The following ARNT2 variants were observed in gnomAD, a reference collection of about 807,000 sequenced individuals.
ARNT2 encodes ARNT protein 2.
A neutral mutation model predicts 91.7 loss-of-function variants in ARNT2; 36 were observed. The ratio of observed to expected loss-of-function variants is 0.39; its 90% confidence interval spans 0.30 to 0.52. The LOEUF (loss-of-function observed/expected upper bound fraction) is 0.52, where lower values mean the gene tolerates loss of function less well. Ranked by LOEUF, ARNT2 falls within the 20% of genes least tolerant of loss-of-function variation. ARNT2 has a pLI of 0.72. For synonymous variants in ARNT2, 365 were observed against 347.1 expected (o/e 1.05, Z -0.57); for missense variants, 775 against 939.3 (o/e 0.83, Z 2.29).
chr15:80,444,380 G>A (rs565955562), intron 1 of ARNT2: 1 of 143,816 alleles, frequency 7.0e-6, no homozygotes, highest in Non-Finnish European at 1.6e-5. Flanking sequence ...GTGTGTGTGT[G>A]TGGTGTGAGA....
chr15:80,555,273 C>A, intron 11 of ARNT2, 134 bp downstream of exon 11: 2 of 821,948 alleles, frequency 2.4e-6, no homozygotes, highest in Non-Finnish European at 3.9e-6. Flanking sequence ...AGGGCCCCTG[C>A]TAGGAAGTCA....
intron 8 of ARNT2, among the ~76,000 whole-genome samples, chr15:80,521,729 T>C (rs1897550149): frequency 6.6e-6 from 1 of 152,150 alleles, no homozygotes; most frequent in South Asian, 2.1e-4. Context: ...TTTCGTAGAA[T>C]GTTGGTAATT....
chr15:80,484,683 T>C (rs1352010167), intron 5 of ARNT2, among the ~76,000 whole-genome samples: 1 of 152,246 alleles, frequency 6.6e-6, no homozygotes, highest in Non-Finnish European at 1.5e-5. Context: ...TCATTATCAC[T>C]CTTGTGTCAC....
chr15:80,446,602 C>T (rs994613513), intron 1 of ARNT2, among the ~76,000 whole-genome samples: 2 of 152,240 alleles, frequency 1.3e-5, no homozygotes, highest in Non-Finnish European at 2.9e-5. Flanking sequence ...AGAGCCTGCT[C>T]TGCCCTTCAC....
chr15:80,509,492 A>G (rs1566990026), intron 6 of ARNT2, among the ~76,000 whole-genome samples: 1 of 151,872 alleles, frequency 6.6e-6, no homozygotes, highest in Admixed American at 6.6e-5. Context: ...AGCAAACAAA[A>G]CCCCTGCCTG....
At chr15:80,536,023 C>G (rs560279071) in intron 8 of ARNT2, among the ~76,000 whole-genome samples, 4 of 152,292 alleles carry the variant, frequency 2.6e-5, no homozygotes, top group African/African-American at 9.6e-5. Flanking sequence ...CGACCCAATC[C>G]AATCACATCC....
At chr15:80,538,907 G>T (rs1024919862) in intron 8 of ARNT2, among the ~76,000 whole-genome samples, 2 of 151,970 alleles carry the variant, frequency 1.3e-5, no homozygotes, top group Non-Finnish European at 2.9e-5. Context: ...AAGTTTAAAA[G>T]TTTATGAACA....
chr15:80,468,971 G>A (rs1341799381), intron 3 of ARNT2, among the ~76,000 whole-genome samples: 1 of 152,178 alleles, frequency 6.6e-6, no homozygotes, highest in African/African-American at 2.4e-5. Context: ...CCCCAATCTG[G>A]GAGGATGGGC....
At chr15:80,526,666 A>G (rs1355337416) in intron 8 of ARNT2, among the ~76,000 whole-genome samples, 1 of 152,168 alleles carries the variant, frequency 6.6e-6, no homozygotes, top group African/African-American at 2.4e-5. Flanking sequence ...GTGCTTTCTT[A>G]GTGGTGAAAT....
At chr15:80,453,779 G>C (rs1896439308) in intron 2 of ARNT2, among the ~76,000 whole-genome samples, 1 of 152,160 alleles carries the variant, frequency 6.6e-6, no homozygotes, top group Non-Finnish European at 1.5e-5. Flanking sequence ...GAGAGACTCA[G>C]AGAGAGAGGG....
rs1486880107 is a variant in ARNT2 at position 80,505,924 on chromosome 15, G to GTTTTTTTTTTTTTTTT, written c.623-2230_623-2229insTTTTTTTTTTTTTTTT. Reference sequence around the variant, plus strand: ...AAAGAAAAAATGATTCCCAACATTTGTTGTTTTTTTTTTTTTTTTTTTTGA... The same window carrying GTTTTTTTTTTTTTTTT: ...AAAGAAAAAATGATTCCCAACATTTGTTTTTTTTTTTTTTTTTTGTTTTTTTTTTTTTTTTTTTTGA... On this transcript the variant is annotated intron_variant, in intron 5 of 18. Coordinates refer to ENST00000303329, the MANE Select transcript of ARNT2 (RefSeq NM_014862.4). 6.5e-4 allele frequency among the ~76,000 whole-genome samples: 46 copies of GTTTTTTTTTTTTTTTT among 71,186 alleles called. 3 individuals are homozygous for GTTTTTTTTTTTTTTTT. Among genetic ancestry groups the GTTTTTTTTTTTTTTTT allele is most frequent in the African/African-American group, 2.8e-3 (43 of 15,236 alleles). 46.7% of individuals were successfully genotyped at this position (71,186 alleles called of 152,430 possible).
intron 5 of ARNT2, among the ~76,000 whole-genome samples, chr15:80,507,387 C>A (rs988747600): frequency 1.3e-5 from 2 of 151,948 alleles, no homozygotes; most frequent in Non-Finnish European, 2.9e-5. Context: ...AGGAGGGACT[C>A]GGGGATAATG....
chr15:80,427,970 C>T (rs562924862), intron 1 of ARNT2, among the ~76,000 whole-genome samples: 2 of 152,342 alleles, frequency 1.3e-5, no homozygotes, highest in African/African-American at 4.8e-5. Flanking sequence ...ACTGTCTTCT[C>T]CAGCGTTCAC....
chr15:80,482,321 A>G (rs2141403768), intron 5 of ARNT2, among the ~76,000 whole-genome samples: 1 of 152,252 alleles, frequency 6.6e-6, no homozygotes, highest in South Asian at 2.1e-4. Flanking sequence ...AGGATTGGGG[A>G]AGGGAGCTGG....
At chr15:80,521,964 C>T (rs1414491357) in intron 8 of ARNT2, among the ~76,000 whole-genome samples, 1 of 152,040 alleles carries the variant, frequency 6.6e-6, no homozygotes, top group African/African-American at 2.4e-5. Flanking sequence ...GACAGTGAAG[C>T]CTTGCTGTCT....
intron 1 of ARNT2, among the ~76,000 whole-genome samples, chr15:80,432,040 G>A (rs1429239552): frequency 6.6e-6 from 1 of 152,240 alleles, no homozygotes; most frequent in Non-Finnish European, 1.5e-5. Context: ...CCTTGTGAAA[G>A]TTTTTCTCCA....
intron 17 of ARNT2, among the ~76,000 whole-genome samples, chr15:80,583,744 A>G (rs145324220): frequency 6.6e-6 from 1 of 152,236 alleles, no homozygotes; most frequent in Non-Finnish European, 1.5e-5. Context: ...TAGCAGAATC[A>G]TGCCTTTGGA....
intron 1 of ARNT2, among the ~76,000 whole-genome samples, chr15:80,436,582 C>T (rs1211456135): frequency 1.3e-5 from 2 of 152,186 alleles, no homozygotes; most frequent in African/African-American, 4.8e-5. Context: ...AGATGATTAA[C>T]CATCTGGTAT....
At chr15:80,516,497 T>C (rs1897436612) in intron 8 of ARNT2, among the ~76,000 whole-genome samples, 1 of 152,164 alleles carries the variant, frequency 6.6e-6, no homozygotes, top group Admixed American at 6.5e-5. Flanking sequence ...AACTTTCTTT[T>C]AATTACTGTT....
Sources: allele counts gnomAD v4.1 joint callset (sites outside exome capture counted in the v4.1 genomes callset), GRCh38; gene constraint gnomAD v4.1.1; transcripts MANE v1.5; gene names NCBI Gene and HGNC (gene_info 2026-07-23, HGNC 2026-07-21).